SAMD5: variants seen among roughly 807,000 people sequenced by gnomAD.
The protein encoded by SAMD5 is sterile alpha motif domain-containing protein 5.
SAMD5 carries 13 observed loss-of-function variants against 11.3 expected under a neutral mutation model. The ratio of observed to expected loss-of-function variants is 1.15; its 90% CI spans 0.75 to 1.83. SAMD5 has a LOEUF of 1.83. SAMD5 is among the 40% of genes most tolerant of loss of function. The probability of loss-of-function intolerance (pLI) is 0.00; values close to 1 mark genes in which losing one functional copy is unlikely to be tolerated. For missense variants in SAMD5, 255 were observed against 239.1 expected, an observed-to-expected ratio of 1.07 and a Z score of -0.44; for synonymous variants, 129 against 111.3, an observed-to-expected ratio of 1.16 and a Z score of -1.00.
the SAMD5 span, among the ~76,000 whole-genome samples, chr6:147,816,301 A>AAAAAAATATATATATATATAT: frequency 1.5e-5 from 1 of 66,356 alleles, no homozygotes; most frequent in African/African-American, 1.0e-4. Context: ...AAAAAAAAAA[A>AAAAAAATATATATATATATAT]ATATATATAT....
chr6:147,941,762 A>AT, the SAMD5 span, among the ~76,000 whole-genome samples: 15,494 of 152,158 alleles, frequency 0.1, 1,061 homozygotes, highest in East Asian at 0.27. Flanking sequence ...CAAAATACAC[A>AT]TTTTTTTCTA....
chr6:147,845,244 C>T, the SAMD5 span, among the ~76,000 whole-genome samples: 1 of 151,926 alleles, frequency 6.6e-6, no homozygotes, highest in African/African-American at 2.4e-5. Context: ...ATACCTTATA[C>T]AAAATTAATT....
intron 1 of SAMD5, among the ~76,000 whole-genome samples, chr6:147,619,078 G>A (rs35166364): frequency 0.09 from 13,732 of 152,182 alleles, 2,064 homozygotes; most frequent in African/African-American, 0.31. Context: ...GGCGTGAGCC[G>A]CAGCACCCGG....
chr6:147,538,530 G>T (rs1307770064), intron 1 of SAMD5, among the ~76,000 whole-genome samples: 11 of 152,178 alleles, frequency 7.2e-5, no homozygotes, highest in African/African-American at 2.7e-4. Context: ...AACTTGATAA[G>T]TAAGTGATTT....
intron 1 of SAMD5, among the ~76,000 whole-genome samples, chr6:147,536,077 G>A (rs1026847246): frequency 3.3e-5 from 5 of 151,476 alleles, no homozygotes; most frequent in East Asian, 1.9e-4. Flanking sequence ...TCCACCTCCC[G>A]GGTTCACGCC....
chr6:147,852,178 T>C, the SAMD5 span, among the ~76,000 whole-genome samples: 1 of 152,156 alleles, frequency 6.6e-6, no homozygotes, highest in African/African-American at 2.4e-5. Context: ...TTCTCAACAT[T>C]ACTTGATATA....
the SAMD5 span, among the ~76,000 whole-genome samples, chr6:147,922,208 C>T: frequency 6.6e-6 from 1 of 152,130 alleles, no homozygotes; most frequent in Non-Finnish European, 1.5e-5. Flanking sequence ...GTCTCTTCAT[C>T]TTGCTGCTTC....
chr6:147,619,039 C>T (rs1180145083), intron 1 of SAMD5, among the ~76,000 whole-genome samples: 11 of 152,216 alleles, frequency 7.2e-5, no homozygotes. Context: ...AGTCCTTCCT[C>T]CTCTGCCTCC....
chr6:147,587,624 G>A (rs1789394003), intron 1 of SAMD5, among the ~76,000 whole-genome samples: 2 of 152,124 alleles, frequency 1.3e-5, no homozygotes, highest in South Asian at 4.1e-4. Flanking sequence ...TTTCAGTTGA[G>A]AGATCATCTA....
chr6:147,870,476 G>GTATATA, the SAMD5 span, among the ~76,000 whole-genome samples: 23 of 139,930 alleles, frequency 1.6e-4, no homozygotes, highest in Non-Finnish European at 3.3e-4. Flanking sequence ...GTGTGTGTGT[G>GTATATA]TGTGTGTATA....
chr6:147,616,371 C>T lies in SAMD5; in HGVS notation c.162+106984C>T, dbSNP rs111355918. 2.5e-3 allele frequency among the ~76,000 whole-genome samples: 374 copies of T among 150,226 alleles called. 3 individuals are homozygous for T. The highest frequency in any genetic ancestry group is 8.2e-3 in the African/African-American group (333 of 40,758). On this transcript the variant is annotated intron_variant, in intron 1 of 1. Coordinates refer to the SAMD5 transcript ENST00000566741. ...GAAATTATTATTTCATTATATGCCA[C>T]GGTCTGGCATATAATAGGTGCTCAA...
At chr6:147,518,024 G>T (rs570458374) in intron 1 of SAMD5, among the ~76,000 whole-genome samples, 1 of 152,074 alleles carries the variant, frequency 6.6e-6, no homozygotes, top group Admixed American at 6.5e-5. Context: ...TTCAAAACAC[G>T]AAAGTCAATT....
At chr6:147,826,038 C>T in the SAMD5 span, among the ~76,000 whole-genome samples, 2 of 152,160 alleles carry the variant, frequency 1.3e-5, no homozygotes, top group African/African-American at 4.8e-5. Flanking sequence ...GATTTCACAG[C>T]CCATAGTCCT....
At chr6:147,694,460 C>T (rs1231283841) in intron 1 of SAMD5, among the ~76,000 whole-genome samples, 2 of 152,104 alleles carry the variant, frequency 1.3e-5, no homozygotes, top group Non-Finnish European at 2.9e-5. Context: ...GCCTTCTTCA[C>T]ATATGAAAGG....
intron 1 of SAMD5, among the ~76,000 whole-genome samples, chr6:147,584,543 C>T (rs989712570): frequency 1.1e-4 from 16 of 152,186 alleles, no homozygotes; most frequent in African/African-American, 3.6e-4. Flanking sequence ...GCCCTGGCCT[C>T]ACCACCATTG....
At chr6:147,731,819 T>C (rs1298403563) in intron 1 of SAMD5, among the ~76,000 whole-genome samples, 1 of 152,006 alleles carries the variant, frequency 6.6e-6, no homozygotes, top group Non-Finnish European at 1.5e-5. Context: ...ATTCACTTTC[T>C]GTATTTGTGG....
At chr6:147,536,019 T>G (rs1788503307) in intron 1 of SAMD5, among the ~76,000 whole-genome samples, 1 of 152,010 alleles carries the variant, frequency 6.6e-6, no homozygotes, top group African/African-American at 2.4e-5. Flanking sequence ...ACTCTCGCTC[T>G]GTTGCCCAGG....
intron 1 of SAMD5, among the ~76,000 whole-genome samples, chr6:147,646,822 A>G (rs1790409538): frequency 6.6e-6 from 1 of 151,972 alleles, no homozygotes; most frequent in Admixed American, 6.6e-5. Flanking sequence ...AAAGCAAGCC[A>G]GATAAAAGAA....
intron 1 of SAMD5, among the ~76,000 whole-genome samples, chr6:147,612,238 T>A (rs1341255347): frequency 6.6e-6 from 1 of 152,142 alleles, no homozygotes; most frequent in East Asian, 1.9e-4. Context: ...AGGAACACTG[T>A]CGGTTGGCAG....
Sources: gnomAD v4.1 joint callset for allele counts (sites outside exome capture counted in the v4.1 genomes callset) on GRCh38, gnomAD v4.1.1 for gene constraint, MANE v1.5 for transcripts, NCBI Gene and HGNC (gene_info 2026-07-23, HGNC 2026-07-21) for gene names.